The following MGAT4C variants were observed in gnomAD, a reference collection of about 807,000 sequenced individuals.
MGAT4C encodes alpha-1,3-mannosyl-glycoprotein 4-beta-N-acetylglucosaminyltransferase C.
Under a neutral mutation model 40.1 loss-of-function variants are expected in MGAT4C, and 19 were observed. The observed-to-expected ratio is 0.47, with a 90% CI of 0.33 to 0.70. The LOEUF is 0.70. Among genes scored for constraint, MGAT4C ranks in the 30% least tolerant of loss-of-function variants. The pLI, the probability that MGAT4C is intolerant of heterozygous loss-of-function variation, is 0.02. For missense variants in MGAT4C, 491 were observed against 563.2 expected (o/e 0.87, Z 1.30); for synonymous variants, 181 against 187.1 (o/e 0.97, Z 0.27).
At chr12:86,045,392 A>G (rs1313617167) in intron 2 of MGAT4C, among the ~76,000 whole-genome samples, 1 of 152,076 alleles carries the variant, frequency 6.6e-6, no homozygotes, top group Non-Finnish European at 1.5e-5. Context: ...GAACCATGTC[A>G]CTCATATGCA....
intron 2 of MGAT4C, among the ~76,000 whole-genome samples, chr12:86,680,617 C>T (rs1358350784): frequency 3.3e-5 from 5 of 152,004 alleles, no homozygotes; most frequent in Non-Finnish European, 7.4e-5. Context: ...AAAGTAAATT[C>T]TTCAAATAAA....
At chr12:86,404,147 C>A (rs1202020975) in intron 3 of MGAT4C, among the ~76,000 whole-genome samples, 1 of 152,116 alleles carries the variant, frequency 6.6e-6, no homozygotes, top group Non-Finnish European at 1.5e-5. Context: ...TGCACCACTG[C>A]ACTCCAGCCT....
At chr12:85,989,327 G>T in intron 3 of MGAT4C, 73 bp downstream of exon 3, 1 of 1,359,730 alleles carries the variant, frequency 7.4e-7, no homozygotes, top group Non-Finnish European at 9.8e-7. Context: ...TTGAAGTTAG[G>T]CTACAATGGG....
intron 2 of MGAT4C, among the ~76,000 whole-genome samples, chr12:86,566,303 C>G (rs899650357): frequency 6.6e-6 from 1 of 151,448 alleles, no homozygotes; most frequent in Non-Finnish European, 1.5e-5. Context: ...TAATCCGCTG[C>G]CAGCACAGCT....
intron 2 of MGAT4C, among the ~76,000 whole-genome samples, chr12:86,010,694 C>A (rs11832425): frequency 0.082 from 4,940 of 60,246 alleles, 275 homozygotes; most frequent in African/African-American, 0.25. Flanking sequence ...ACAAACAAAC[C>A]AACAAACAAA....
At chr12:86,650,761 T>G (rs1200182716) in intron 2 of MGAT4C, among the ~76,000 whole-genome samples, 1 of 151,890 alleles carries the variant, frequency 6.6e-6, no homozygotes, top group Non-Finnish European at 1.5e-5. Context: ...AGGGATTGGT[T>G]TATTACTGCT....
rs1011158362 is a variant in MGAT4C at position 86,305,036 on chromosome 12, G to C, written c.-57+29029C>G. ...TATGGCAGCCATTAGGAAATTGACAGATATCTGGTCTTTATCAAAAATAAA... is the reference window on the plus strand; with the variant it reads ...TATGGCAGCCATTAGGAAATTGACACATATCTGGTCTTTATCAAAAATAAA... On this transcript the variant is annotated intron_variant, in intron 4 of 7. Transcript: ENST00000548651. Among the ~76,000 whole-genome samples the C allele has an allele frequency of 4.0e-5, 6 of 150,746 alleles. 1 individual carries two copies. The highest frequency in any genetic ancestry group is 1.2e-4 in the African/African-American group (5 of 40,100).
chr12:86,500,336 G>A (rs751801177), intron 2 of MGAT4C, among the ~76,000 whole-genome samples: 2 of 151,682 alleles, frequency 1.3e-5, no homozygotes, highest in African/African-American at 2.4e-5. Context: ...CCAACAAGGT[G>A]TTCCCAAAGA....
chr12:86,600,879 T>C (rs1380891094), intron 2 of MGAT4C, among the ~76,000 whole-genome samples: 1 of 152,204 alleles, frequency 6.6e-6, no homozygotes, highest in Non-Finnish European at 1.5e-5. Context: ...GCTCAGAAGT[T>C]CCTGTTCCCA....
chr12:86,039,573 G>T (rs1891599249), intron 2 of MGAT4C, among the ~76,000 whole-genome samples: 2 of 151,992 alleles, frequency 1.3e-5, no homozygotes, highest in South Asian at 4.2e-4. Context: ...AGCTCCATCA[G>T]GTCTTTTATG....
intron 4 of MGAT4C, among the ~76,000 whole-genome samples, chr12:86,322,716 T>A (rs928607564): frequency 5.3e-5 from 8 of 152,082 alleles, no homozygotes; most frequent in African/African-American, 1.7e-4. Context: ...AACAGAATAT[T>A]TTCCCTAAAT....
chr12:86,296,636 GC>G (rs1566267778), intron 4 of MGAT4C, among the ~76,000 whole-genome samples: 3 of 152,204 alleles, frequency 2.0e-5, no homozygotes, highest in African/African-American at 7.2e-5. Context: ...CTCCGCAGCC[GC>G]TGGCCCGGGT....
chr12:86,257,781 C>T (rs1043174104), upstream of MGAT4C, among the ~76,000 whole-genome samples: 2 of 152,102 alleles, frequency 1.3e-5, no homozygotes, highest in Admixed American at 6.6e-5. Flanking sequence ...CTCTGAGAAG[C>T]GAGTTAGCAT....
At position 85,965,625 on chromosome 12, in the gene MGAT4C, A is replaced by T. The variant is rs1883328250; in HGVS notation, c.*13664T>A. The T allele has an allele frequency of 6.7e-6, 1 of 148,848 alleles. No individual in the cohort carries two copies. Among genetic ancestry groups the T allele is most frequent in the Admixed American group, 6.7e-5 (1 of 14,866 alleles). The allele number at this position is 148,848 out of a possible 1,614,324, so 9.2% of individuals were successfully genotyped here. A position where few individuals can be genotyped will look rare whatever the true frequency, so the allele number is the denominator to read the frequency against. On this transcript the variant is annotated 3_prime_UTR_variant, in exon 5 of 5. Coordinates refer to ENST00000611864, the MANE Select transcript of MGAT4C (RefSeq NM_001351288.2). ...AAAAAAAAAAAAAAAAAAAAAGGAC[A>T]CTCTGAACAATTGAACAAGACTACG...
intron 2 of MGAT4C, among the ~76,000 whole-genome samples, chr12:86,720,900 A>C (rs1353758017): frequency 1.3e-5 from 2 of 152,154 alleles, no homozygotes; most frequent in African/African-American, 4.8e-5. Context: ...GGAAATAATA[A>C]ACCATAATAT....
intron 2 of MGAT4C, among the ~76,000 whole-genome samples, chr12:86,493,955 C>CT (rs958648605): frequency 6.6e-6 from 1 of 151,880 alleles, no homozygotes; most frequent in African/African-American, 2.4e-5. Context: ...TTTTCTCTCT[C>CT]TTTTTTTAAG....
At position 86,264,872 on chromosome 12, in the gene MGAT4C, G is replaced by A. The variant is rs1262273331; in HGVS notation, c.-57+69193C>T. 2.0e-5 allele frequency among the ~76,000 whole-genome samples: 3 copies of A among 152,172 alleles called. No individual in the cohort carries two copies. The East Asian group carries it at 5.8e-4, about 29-fold the overall frequency. On this transcript the variant is annotated intron_variant, in intron 4 of 7. Transcript: ENST00000548651. ...ACCCAGTCGGCTGTGCCCACTCTTG[G>A]GGCAGTGCTGACACATCAGGCCCCT...
intron 2 of MGAT4C, among the ~76,000 whole-genome samples, chr12:86,445,196 A>G (rs191222329): frequency 6.6e-6 from 1 of 152,342 alleles, no homozygotes; most frequent in East Asian, 1.9e-4. Context: ...TGCCAATTAT[A>G]CTGCAAATAT....
Position 86,191,751 on chromosome 12 carries a change from G to GGTGTGTGTGTGTGTGTGTGT in MGAT4C, c.-57+64468_-57+64487dup, listed in dbSNP as rs570173863. Among the ~76,000 whole-genome samples the GGTGTGTGTGTGTGTGTGTGT allele has an allele frequency of 4.9e-3, 486 of 98,528 alleles. 6 individuals are homozygous for GGTGTGTGTGTGTGTGTGTGT. The highest frequency in any genetic ancestry group is 0.013 in the African/African-American group (329 of 26,098). 64.6% of individuals were successfully genotyped at this position (98,528 alleles called of 152,430 possible). A position where few individuals can be genotyped will look rare whatever the true frequency, so the allele number is the denominator to read the frequency against. On this transcript the variant is annotated intron_variant, in intron 1 of 4. Coordinates refer to ENST00000611864, the MANE Select transcript of MGAT4C (RefSeq NM_001351288.2). ...GGTTAAGTTTGCTACAGGAGATAAA[G>GGTGTGTGTGTGTGTGTGTGT]GTGTGTGTGTGTGTGTGTGTGTGTG...
Sources: gnomAD v4.1 joint callset for allele counts (sites outside exome capture counted in the v4.1 genomes callset) on GRCh38, gnomAD v4.1.1 for gene constraint, MANE v1.5 for transcripts, NCBI Gene and HGNC (gene_info 2026-07-23, HGNC 2026-07-21) for gene names.